Variants in COL28A1 observed in about 807,000 individuals in gnomAD.
The protein encoded by COL28A1 is collagen alpha-1(XXVIII) chain.
In COL28A1, 161 loss-of-function variants were observed where a neutral mutation model predicts 150.2. That is an observed-to-expected ratio of 1.07 (90% CI 0.94 to 1.22). The LOEUF is 1.22. Ranked by LOEUF, COL28A1 falls within the 50% of genes most tolerant of loss-of-function variation. The pLI is 0.00. For synonymous variants in COL28A1, 552 were observed against 469.7 expected (o/e 1.18, Z -2.26); for missense variants, 1,617 against 1,388.3 (o/e 1.16, Z -2.62).
At chr7:7,531,144 G>C (rs952335290) in intron 3 of COL28A1, among the ~76,000 whole-genome samples, 1 of 152,112 alleles carries the variant, frequency 6.6e-6, no homozygotes, top group Non-Finnish European at 1.5e-5. Flanking sequence ...GCAATTCCAG[G>C]GAATTAGCCT....
rs1313785409 is a variant in COL28A1, at chr7:7,497,061, AGAAGGAAGAAAG to A, written c.1027-6427_1027-6416del. Among the ~76,000 whole-genome samples, 865 of 137,072 alleles carry A rather than the reference AGAAGGAAGAAAG, an allele frequency of 6.3e-3. 14 individuals are homozygous for A. The highest frequency in any genetic ancestry group is 0.02 in the African/African-American group (774 of 39,142). 89.9% of individuals were successfully genotyped at this position (137,072 alleles called of 152,430 possible). ...AGGAAAGGAGGGAGGGAGGGAGGGA[AGAAGGAAGAAAG>A]GAAGGAAGAAAGGAAGGAAGAAAGG... On this transcript the variant is annotated intron_variant, in intron 11 of 34. Coordinates refer to ENST00000399429, the MANE Select transcript of COL28A1 (RefSeq NM_001037763.3).
rs574087261 is a variant in COL28A1, at chr7:7,498,747, T to A, written c.1026+7267A>T. 4.9e-4 allele frequency among the ~76,000 whole-genome samples: 74 copies of A among 152,292 alleles called. 1 individual carries two copies. Among genetic ancestry groups the A allele is most frequent in the African/African-American group, 1.7e-3 (70 of 41,548 alleles). On this transcript the variant is annotated intron_variant, in intron 11 of 34. Transcript: ENST00000399429. ...ATTGATGTAATTACAAAGAAAACAT[T>A]CTGACATCCCTCTGAAGACACTGCA...
chr7:7,519,449 C>T (rs112848076), intron 6 of COL28A1, among the ~76,000 whole-genome samples: 3 of 152,132 alleles, frequency 2.0e-5, no homozygotes, highest in African/African-American at 7.2e-5. Context: ...TTTCATTACA[C>T]AGAATTTTGC....
intron 32 of COL28A1, 123 bp from the exon 33 acceptor site, chr7:7,371,005 A>T (rs139990031): frequency 1.5e-6 from 1 of 672,040 alleles, no homozygotes; most frequent in East Asian, 2.8e-5. Flanking sequence ...ATCAACTGCT[A>T]AGTTAACGAA....
intron 27 of COL28A1, chr7:7,417,527 AGGGAGGGAGGGAG>A (rs1562590572): frequency 1.0e-3 from 85 of 84,078 alleles, no homozygotes; most frequent in East Asian, 2.2e-3. Context: ...GGGAGGGGGG[AGGGAGGGAGGGAG>A]GGGGGGGGGA....
chr7:7,339,318 G>T, the COL28A1 span, among the ~76,000 whole-genome samples: 1 of 152,082 alleles, frequency 6.6e-6, no homozygotes, highest in Non-Finnish European at 1.5e-5. Context: ...AAGTATCCTA[G>T]TCTTGCACCA....
At chr7:7,388,380 T>C (rs1782326025) in intron 27 of COL28A1, among the ~76,000 whole-genome samples, 1 of 152,172 alleles carries the variant, frequency 6.6e-6, no homozygotes, top group Non-Finnish European at 1.5e-5. Flanking sequence ...CCATGGTGTA[T>C]ATTGCCACTT....
At chr7:7,384,225 C>G (rs1782054276) in intron 27 of COL28A1, among the ~76,000 whole-genome samples, 1 of 152,210 alleles carries the variant, frequency 6.6e-6, no homozygotes. Flanking sequence ...CAGTAACATA[C>G]TGGGCCCACT....
At chr7:7,517,986 G>GAA in intron 6 of COL28A1, 149 bp from the exon 7 acceptor site, 17 of 775,126 alleles carry the variant, frequency 2.2e-5, no homozygotes, top group South Asian at 1.0e-4. Flanking sequence ...TGCAATCTAG[G>GAA]CAAAAAAAAA....
intron 15 of COL28A1, among the ~76,000 whole-genome samples, chr7:7,463,372 C>G (rs1366754794): frequency 6.6e-6 from 1 of 152,094 alleles, no homozygotes; most frequent in East Asian, 1.9e-4. Context: ...TAAAGAGTAT[C>G]TACAAAAACC....
chr7:7,414,940 T>C (rs978516557), intron 27 of COL28A1, among the ~76,000 whole-genome samples: 1 of 152,244 alleles, frequency 6.6e-6, no homozygotes, highest in Non-Finnish European at 1.5e-5. Context: ...GTAAATTCCA[T>C]GAGGACTAAG....
chr7:7,429,078 C>T (rs1276017522), intron 25 of COL28A1, among the ~76,000 whole-genome samples: 1 of 152,206 alleles, frequency 6.6e-6, no homozygotes, highest in Non-Finnish European at 1.5e-5. Context: ...ACCATAAATT[C>T]ATCGTCAACC....
chr7:7,530,670 T>C (rs910341295), intron 3 of COL28A1, among the ~76,000 whole-genome samples: 1 of 151,574 alleles, frequency 6.6e-6, no homozygotes, highest in African/African-American at 2.4e-5. Flanking sequence ...GGAAAGGCTT[T>C]TATACACAGC....
At chr7:7,493,606 A>G (rs1780042771) in intron 11 of COL28A1, among the ~76,000 whole-genome samples, 1 of 152,146 alleles carries the variant, frequency 6.6e-6, no homozygotes, top group Non-Finnish European at 1.5e-5. Context: ...GGAGCCTGGT[A>G]TCTCAAGGTA....
chr7:7,413,619 A>G (rs1031574875), intron 27 of COL28A1, among the ~76,000 whole-genome samples: 1 of 152,180 alleles, frequency 6.6e-6, no homozygotes, highest in African/African-American at 2.4e-5. Flanking sequence ...TTTAAGTGGT[A>G]AAGAGGCCCA....
rs375970088 is a variant in COL28A1, at chr7:7,523,673, T to A, written c.702+556A>T. 7.2e-5 allele frequency among the ~76,000 whole-genome samples: 11 copies of A among 152,320 alleles called. No homozygotes were observed. In the East Asian group the frequency reaches 9.6e-4, roughly 13 times the overall value. On this transcript the variant is annotated intron_variant, in intron 4 of 34. Transcript: ENST00000399429. ...AAATGCATGTCCAGGACAGGACTCC[T>A]CAGCAAGCTGATGATTATCTATTGT...
At chr7:7,471,000 T>A (rs1788365491) in intron 15 of COL28A1, among the ~76,000 whole-genome samples, 1 of 139,566 alleles carries the variant, frequency 7.2e-6, no homozygotes, top group African/African-American at 2.7e-5. Flanking sequence ...CTGGGAGATA[T>A]ACCTAATGCT....
intron 27 of COL28A1, among the ~76,000 whole-genome samples, chr7:7,406,979 A>T: frequency 6.6e-6 from 1 of 152,154 alleles, no homozygotes; most frequent in East Asian, 1.9e-4. Flanking sequence ...CAGAATGACT[A>T]TGTGGGTTTT....
chr7:7,339,791 C>T, the COL28A1 span, among the ~76,000 whole-genome samples: 6 of 152,146 alleles, frequency 3.9e-5, no homozygotes, highest in African/African-American at 9.6e-5. Flanking sequence ...ACATACTGGA[C>T]GAGAACATGT....
Sources: gnomAD v4.1 joint callset for allele counts (sites outside exome capture counted in the v4.1 genomes callset) on GRCh38, gnomAD v4.1.1 for gene constraint, MANE v1.5 for transcripts, NCBI Gene and HGNC (gene_info 2026-07-23, HGNC 2026-07-21) for gene names.